The following USP30 variants were observed in gnomAD, a reference collection of about 807,000 sequenced individuals.
USP30 encodes ubiquitin specific peptidase 30, also known as ubiquitin carboxyl-terminal hydrolase 30.
USP30 carries 41 observed loss-of-function variants against 68.2 expected under a neutral mutation model. The ratio of observed to expected loss-of-function variants is 0.60; its 90% CI spans 0.47 to 0.78. The LOEUF (loss-of-function observed/expected upper bound fraction) is 0.78, where lower values mean the gene tolerates loss of function less well. Among genes scored for constraint, USP30 ranks in the 30% least tolerant of loss-of-function variants. USP30 has a pLI of 0.00. For missense variants in USP30, 522 were observed against 649.4 expected (o/e 0.80, Z 2.13); for synonymous variants, 229 against 253.7 (o/e 0.90, Z 0.93).
At chr12:109,080,920 G>A (rs138171698) in intron 7 of USP30, among the ~76,000 whole-genome samples, 71 of 152,320 alleles carry the variant, frequency 4.7e-4, no homozygotes, top group South Asian at 1.7e-3. Context: ...TCTTGTAAGC[G>A]CGCTCTGCGA....
intron 3 of USP30, among the ~76,000 whole-genome samples, chr12:109,041,607 C>T (rs1416149854): frequency 6.6e-6 from 1 of 151,258 alleles, no homozygotes; most frequent in Non-Finnish European, 1.5e-5. Context: ...TGCACTCCAG[C>T]CTGGGTGACA....
chr12:109,045,546 T>C (rs754374279), intron 3 of USP30, among the ~76,000 whole-genome samples: 2 of 152,130 alleles, frequency 1.3e-5, no homozygotes, highest in African/African-American at 4.8e-5. Flanking sequence ...CCTGCCATAC[T>C]GTCTGGTCAC....
intron 3 of USP30, among the ~76,000 whole-genome samples, chr12:109,030,972 T>G (rs2040476479): frequency 6.6e-6 from 1 of 152,170 alleles, no homozygotes; most frequent in Non-Finnish European, 1.5e-5. Flanking sequence ...ACATCTTAAA[T>G]ATATACAGTA....
At chr12:109,053,526 C>A (rs1167575634) in intron 1 of USP30, among the ~76,000 whole-genome samples, 2 of 152,106 alleles carry the variant, frequency 1.3e-5, no homozygotes, top group Non-Finnish European at 2.9e-5. Flanking sequence ...CCCCCTCCCC[C>A]ACTGCTGACC....
intron 1 of USP30, among the ~76,000 whole-genome samples, chr12:109,055,815 T>TA (rs779280314): frequency 0.19 from 23,940 of 129,382 alleles, 2,145 homozygotes; most frequent in Middle Eastern, 0.24. Context: ...CCCAGTGCAT[T>TA]AAAAAAAAAA....
Position 109,081,400 on chromosome 12 carries a change from A to C in USP30, c.780+7A>C, listed in dbSNP as rs995115231. 6.2e-7 allele frequency: 1 copy of C among 1,613,826 alleles called. No homozygotes were observed. Among genetic ancestry groups the C allele is most frequent in the East Asian group, 2.2e-5 (1 of 44,864 alleles). On this transcript the variant is annotated splice_region_variant and intron_variant, in intron 8 of 12. Transcript: ENST00000257548. ...TATTCCAGCCGCCACATGGGTATGT[A>C]CTGATTTATGGTTTATTTGGAGTCT...
At chr12:109,052,907 C>A in intron 1 of USP30, 146 bp downstream of exon 1, 1 of 805,262 alleles carries the variant, frequency 1.2e-6, no homozygotes, top group Non-Finnish European at 1.7e-6. Context: ...GGGTTGGAGG[C>A]CTGGGCCCGT....
At chr12:109,060,208 T>C (rs1344957866) in intron 3 of USP30, 1 of 152,190 alleles carries the variant, frequency 6.6e-6, no homozygotes, top group Non-Finnish European at 1.5e-5. Context: ...TTCATCAAGG[T>C]AGGAACTTCC....
chr12:109,083,395 C>T (rs2041859862), intron 11 of USP30, among the ~76,000 whole-genome samples: 1 of 152,052 alleles, frequency 6.6e-6, no homozygotes, highest in South Asian at 2.1e-4. Context: ...TTTTTTCGGT[C>T]ATGTCATTTC....
At chr12:109,034,420 A>G (rs1006437766) in intron 3 of USP30, among the ~76,000 whole-genome samples, 1 of 152,198 alleles carries the variant, frequency 6.6e-6, no homozygotes, top group African/African-American at 2.4e-5. Flanking sequence ...TTCATAAGCC[A>G]CTTGAGAAGA....
intron 3 of USP30, among the ~76,000 whole-genome samples, chr12:109,031,004 G>A (rs755666037): frequency 2.6e-4 from 39 of 152,052 alleles, no homozygotes; most frequent in Non-Finnish European, 4.6e-4. Flanking sequence ...AGGGGATGCT[G>A]AGCAAAGGGT....
intron 3 of USP30, among the ~76,000 whole-genome samples, chr12:109,045,452 G>T (rs1214906817): frequency 6.6e-6 from 1 of 151,956 alleles, no homozygotes; most frequent in Non-Finnish European, 1.5e-5. Context: ...GTGGGGGTGG[G>T]GGGTGATGGT....
rs753190348 is a variant in USP30 at position 109,057,937 on chromosome 12, G to C, written c.205G>C (p.Gly69Arg). 6.2e-7 allele frequency: 1 copy of C among 1,612,836 alleles called. No homozygotes were observed. The highest frequency in any genetic ancestry group is 8.5e-7 in the Non-Finnish European group (1 of 1,179,562). ...RKKRRKGLVP[G>R]LVNLGNTCFM... ...TGCTTTTTTTTTAGGGCTTGTGCCT[G>C]GCCTTGTTAATTTAGGGAACACCTG... Residue 69 changes from glycine to arginine, a missense_variant, in exon 3 of 13, where the codon GGC becomes CGC. Transcript: ENST00000257548.
At chr12:109,055,516 C>T (rs1256083690) in intron 1 of USP30, among the ~76,000 whole-genome samples, 3 of 144,836 alleles carry the variant, frequency 2.1e-5, no homozygotes, top group East Asian at 2.1e-4. Context: ...CATTCTGCCT[C>T]GGCCTCCAGA....
Position 109,058,537 on chromosome 12 carries a change from A to G in USP30, c.376+429A>G, listed in dbSNP as rs1172359955. ...CGGTGAGCTGAGATCGCACCATTGC[A>G]GTCCAGCCTGAGCAACAAGAGCGAA... On this transcript the variant is annotated intron_variant, in intron 3 of 12. Coordinates refer to ENST00000257548, the MANE Select transcript of USP30 (RefSeq NM_032663.5). 2.0e-5 allele frequency among the ~76,000 whole-genome samples: 3 copies of G among 151,182 alleles called. No individual in the cohort carries two copies. The South Asian group carries it at 6.3e-4, about 32-fold the overall frequency.
intron 7 of USP30, 115 bp downstream of exon 7, chr12:109,073,647 C>T: frequency 1.2e-6 from 1 of 869,094 alleles, no homozygotes; most frequent in Non-Finnish European, 1.8e-6. Context: ...GACTACCTGG[C>T]CTCTGCACAC....
At chr12:109,079,341 T>TTTTTTTTC (rs2041718868) in intron 7 of USP30, among the ~76,000 whole-genome samples, 1 of 60,204 alleles carries the variant, frequency 1.7e-5, no homozygotes, top group Non-Finnish European at 4.0e-5. Context: ...TTCTTTTTCT[T>TTTTTTTTC]TTTTTTTTTC....
chr12:109,025,113 C>A (rs2040434989), intron 2 of USP30: 1 of 152,186 alleles, frequency 6.6e-6, no homozygotes, highest in Non-Finnish European at 1.5e-5. Flanking sequence ...TCTTCTCCTG[C>A]CCTTGGACAT....
At chr12:109,061,014 A>ACCT (rs2041048119) in intron 3 of USP30, among the ~76,000 whole-genome samples, 1 of 151,952 alleles carries the variant, frequency 6.6e-6, no homozygotes, top group Non-Finnish European at 1.5e-5. Flanking sequence ...CAAATTCCTG[A>ACCT]CCTCAAGTGA....
Sources: allele counts gnomAD v4.1 joint callset (sites outside exome capture counted in the v4.1 genomes callset), GRCh38; gene constraint gnomAD v4.1.1; transcripts MANE v1.5; gene names NCBI Gene and HGNC (gene_info 2026-07-23, HGNC 2026-07-21).